The following MAGI2 variants were observed in gnomAD, a reference collection of about 807,000 sequenced individuals.
MAGI2 encodes membrane-associated guanylate kinase, WW and PDZ domain-containing protein 2.
MAGI2 carries 35 observed loss-of-function variants against 133.3 expected under a neutral mutation model. That is an observed-to-expected ratio of 0.26 (90% CI 0.20 to 0.35). The LOEUF (loss-of-function observed/expected upper bound fraction) is 0.35. Among genes scored for constraint, MAGI2 ranks in the 10% least tolerant of loss-of-function variants. The pLI is 1.00. For synonymous variants in MAGI2, 729 were observed against 710.6 expected (o/e 1.03, Z -0.41); for missense variants, 1,636 against 1,863.4 (o/e 0.88, Z 2.25).
At chr7:78,110,182 G>T (rs1819212330) in intron 20 of MAGI2, among the ~76,000 whole-genome samples, 1 of 152,120 alleles carries the variant, frequency 6.6e-6, no homozygotes, top group Admixed American at 6.5e-5. Context: ...TCATTAATTT[G>T]TCTTTTTGCT....
At chr7:79,140,293 TA>T (rs1425477224) in intron 1 of MAGI2, among the ~76,000 whole-genome samples, 6 of 152,364 alleles carry the variant, frequency 3.9e-5, no homozygotes, top group African/African-American at 1.2e-4. Flanking sequence ...TGATTCACTA[TA>T]TTTTTGCAAG....
At chr7:78,670,895 A>G (rs1187050389) in intron 2 of MAGI2, among the ~76,000 whole-genome samples, 9 of 152,204 alleles carry the variant, frequency 5.9e-5, no homozygotes, top group Admixed American at 5.9e-4. Flanking sequence ...AAAAATGCTT[A>G]GAACAATGGG....
At chr7:78,119,027 ATAC>A (rs1298178899) in intron 20 of MAGI2, among the ~76,000 whole-genome samples, 1 of 152,240 alleles carries the variant, frequency 6.6e-6, no homozygotes, top group Non-Finnish European at 1.5e-5. Context: ...AGTTAAATGC[ATAC>A]TACTAAGTGA....
chr7:78,634,157 T>C lies in MAGI2; in HGVS notation c.419-6918A>G, dbSNP rs542630203. On this transcript the variant is annotated intron_variant, in intron 2 of 21. Coordinates refer to ENST00000354212, the MANE Select transcript of MAGI2 (RefSeq NM_012301.4). ...AGTATGAAAAAAACATGAGTCAAGATATAAATCCATTTTGTCTGATTACAC... is the reference window on the plus strand; with the variant it reads ...AGTATGAAAAAAACATGAGTCAAGACATAAATCCATTTTGTCTGATTACAC... 1.1e-4 allele frequency among the ~76,000 whole-genome samples: 17 copies of C among 152,340 alleles called. No individual in the cohort carries two copies. In the East Asian group the frequency reaches 2.9e-3, roughly 26 times the overall value.
At chr7:78,773,356 A>T (rs1328361356) in intron 2 of MAGI2, among the ~76,000 whole-genome samples, 2 of 152,216 alleles carry the variant, frequency 1.3e-5, no homozygotes, top group South Asian at 2.1e-4. Context: ...ATAAATTGGC[A>T]AAAACAGTAT....
At chr7:78,513,025 G>T (rs1795735376) in intron 4 of MAGI2, among the ~76,000 whole-genome samples, 1 of 152,070 alleles carries the variant, frequency 6.6e-6, no homozygotes, top group Non-Finnish European at 1.5e-5. Flanking sequence ...AAACTTTGGG[G>T]TGAAAGAAAC....
chr7:78,460,752 T>A (rs898695073), intron 6 of MAGI2, among the ~76,000 whole-genome samples: 1 of 152,192 alleles, frequency 6.6e-6, no homozygotes, highest in South Asian at 2.1e-4. Context: ...GGTTGCTAAG[T>A]GAAAATGCTA....
intron 2 of MAGI2, among the ~76,000 whole-genome samples, chr7:78,886,787 T>G (rs1248766318): frequency 6.6e-6 from 1 of 152,210 alleles, no homozygotes; most frequent in Non-Finnish European, 1.5e-5. Context: ...TCCTTTGAGC[T>G]CTCAATTATA....
At chr7:78,900,350 T>C (rs562016285) in intron 2 of MAGI2, among the ~76,000 whole-genome samples, 2 of 152,300 alleles carry the variant, frequency 1.3e-5, no homozygotes, top group South Asian at 4.1e-4. Context: ...TCACCTTTAT[T>C]CAAAGTCTCC....
chr7:78,960,511 C>T (rs1380010779), intron 2 of MAGI2, among the ~76,000 whole-genome samples: 1 of 151,970 alleles, frequency 6.6e-6, no homozygotes, highest in East Asian at 1.9e-4. Context: ...GGCCTTGAGA[C>T]ATAATGTTTG....
intron 1 of MAGI2, among the ~76,000 whole-genome samples, chr7:79,207,689 T>C (rs1829170928): frequency 6.6e-6 from 1 of 151,588 alleles, no homozygotes; most frequent in Non-Finnish European, 1.5e-5. Context: ...ACAAAGAAAA[T>C]CCTAAAATTC....
intron 20 of MAGI2, among the ~76,000 whole-genome samples, chr7:78,119,570 A>G: frequency 6.6e-6 from 1 of 151,264 alleles, no homozygotes; most frequent in South Asian, 2.1e-4. Flanking sequence ...AAAAAAAAAA[A>G]AAAAAAAAAA....
At chr7:78,303,580 G>A (rs1392348367) in intron 9 of MAGI2, among the ~76,000 whole-genome samples, 1 of 151,978 alleles carries the variant, frequency 6.6e-6, no homozygotes, top group Admixed American at 6.6e-5. Context: ...CTAATCACTT[G>A]TAAAGCACTG....
At position 78,311,473 on chromosome 7, in the gene MAGI2, G is replaced by A. The variant is rs1798698070; in HGVS notation, c.1408+32305C>T. Among the ~76,000 whole-genome samples the A allele has an allele frequency of 2.0e-5, 3 of 152,286 alleles. No homozygotes were observed. In the South Asian group the frequency reaches 6.2e-4, roughly 32 times the overall value. ...GGTGTTTCAGAATCCAGACTACAGA[G>A]GATCAAGGGGATGGATCTAAAGAGA... On this transcript the variant is annotated intron_variant, in intron 9 of 21. Transcript: ENST00000354212.
At chr7:78,110,040 C>T (rs1029249384) in intron 20 of MAGI2, among the ~76,000 whole-genome samples, 3 of 152,182 alleles carry the variant, frequency 2.0e-5, no homozygotes, top group Non-Finnish European at 2.9e-5. Flanking sequence ...TGAGCACTGA[C>T]TCGGGAGCTT....
At chr7:78,525,121 TACA>T (rs1248294479) in intron 3 of MAGI2, among the ~76,000 whole-genome samples, 2 of 152,214 alleles carry the variant, frequency 1.3e-5, no homozygotes, top group East Asian at 1.9e-4. Flanking sequence ...CTATAAATTA[TACA>T]ACAATATTCT....
intron 1 of MAGI2, among the ~76,000 whole-genome samples, chr7:79,198,311 C>T (rs1004121465): frequency 6.6e-6 from 1 of 151,676 alleles, no homozygotes; most frequent in African/African-American, 2.4e-5. Context: ...TTGAAAAGCA[C>T]ATTAGTACAG....
intron 6 of MAGI2, among the ~76,000 whole-genome samples, chr7:78,399,311 C>A (rs539686684): frequency 6.6e-6 from 1 of 152,312 alleles, no homozygotes; most frequent in South Asian, 2.1e-4. Flanking sequence ...ATGCTATACA[C>A]ACATACAAAA....
At chr7:78,107,735 G>A (rs1250921109) in intron 20 of MAGI2, among the ~76,000 whole-genome samples, 1 of 151,744 alleles carries the variant, frequency 6.6e-6, no homozygotes, top group Non-Finnish European at 1.5e-5. Flanking sequence ...GGTTATGGAT[G>A]TCTAGGAATT....
Sources: allele counts gnomAD v4.1 joint callset (sites outside exome capture counted in the v4.1 genomes callset), GRCh38; gene constraint gnomAD v4.1.1; transcripts MANE v1.5; gene names NCBI Gene and HGNC (gene_info 2026-07-23, HGNC 2026-07-21).